GDE1: variants seen among roughly 807,000 people sequenced by gnomAD.
GDE1 encodes glycerophosphodiester phosphodiesterase 1.
Under a neutral mutation model 32.2 loss-of-function variants are expected in GDE1, and 24 were observed. That is an observed-to-expected ratio of 0.75 (90% CI 0.54 to 1.05). The LOEUF is 1.05. Among genes scored for constraint, GDE1 ranks in the 50% least tolerant of loss-of-function variants. GDE1 has a pLI of 0.00. For missense variants in GDE1, 380 were observed against 415.0 expected, an observed-to-expected ratio of 0.92 and a Z score of 0.73; for synonymous variants, 159 against 158.6, an observed-to-expected ratio of 1.00 and a Z score of -0.02.
chr16:19,508,230 C>T (rs552876620), intron 3 of GDE1, among the ~76,000 whole-genome samples: 2 of 152,066 alleles, frequency 1.3e-5, no homozygotes, highest in Non-Finnish European at 2.9e-5. Flanking sequence ...ACTGAGAGGA[C>T]GCATTACCCA....
chr16:19,505,414 A>G (rs189467906), intron 4 of GDE1, among the ~76,000 whole-genome samples: 30 of 152,346 alleles, frequency 2.0e-4, no homozygotes, highest in African/African-American at 6.3e-4. Flanking sequence ...CTATTGACTT[A>G]AATCCTGGCC....
chr16:19,507,748 TC>T lies in GDE1; in HGVS notation c.574del (p.Glu192AsnfsTer22). On this transcript the variant is annotated frameshift_variant, in exon 4 of 6. Transcript: ENST00000353258. LOFTEE classifies it high-confidence loss of function. The part of the protein sequence containing the change: ...ATEALKKMYM[E>X]FPQLYNNSVV... Reference sequence around the variant, plus strand: ...ACTATTATTATACAGTTGAGGAAATTCCATATACATTTTCTTTAGAGCCTCA... The same window carrying T: ...ACTATTATTATACAGTTGAGGAAATTCATATACATTTTCTTTAGAGCCTCA... The T allele has an allele frequency of 6.4e-7, 1 of 1,559,082 alleles. No individual in the cohort carries two copies. Among genetic ancestry groups the T allele is most frequent in the Non-Finnish European group, 8.8e-7 (1 of 1,131,076 alleles).
chr16:19,507,706 A>T lies in GDE1; in HGVS notation c.617T>A (p.Leu206Ter), dbSNP rs775244640. The T allele has an allele frequency of 6.4e-7, 1 of 1,570,000 alleles. No homozygotes were observed. The highest frequency in any genetic ancestry group is 1.7e-5 in the Admixed American group (1 of 59,944). ...TGTTACCTTGTAGATAACTTCTGGC[A>T]AGAAAGAACAGACCACACTATTATT... ...LYNNSVVCSF[L>*]PEVIYKMRQT... The change falls in exon 4 of 6, where the codon TTG becomes TAG. Residue 206 changes from leucine to a stop codon, truncating the protein, a stop_gained. Transcript: ENST00000353258. LOFTEE classifies it high-confidence loss of function.
Position 19,522,042 on chromosome 16 carries a change from A to C in GDE1, c.-78T>G. On this transcript the variant is annotated 5_prime_UTR_variant, in exon 1 of 6. Transcript: ENST00000353258. ...GGCAGTAGAACGAGAAGCGAGGGGG[A>C]GGGTCCAAGGCACCGGCAGCAGCAG... The C allele has an allele frequency of 7.1e-7, 1 of 1,411,780 alleles. No homozygotes were observed. The highest frequency in any genetic ancestry group is 9.4e-7 in the Non-Finnish European group (1 of 1,058,578). 87.5% of individuals were successfully genotyped at this position (1,411,780 alleles called of 1,614,324 possible).
At chr16:19,503,659 G>A in intron 5 of GDE1, 42 bp from the exon 6 acceptor site, 1 of 1,564,142 alleles carries the variant, frequency 6.4e-7, no homozygotes. Context: ...ATAATAAGCA[G>A]CTGTCTCAGG....
chr16:19,504,886 T>C lies in GDE1; in HGVS notation c.843A>G (p.Val281=). ...ISAFLMQKDF[V]SPAYLKKWSA... ...TAAAAAACCTTCCAACTTACGGGGA[T>C]ACAAAATCCTTTTGCATGAGGAAAG... Residue 281 remains valine, a synonymous_variant, in exon 5 of 6, where the codon GTA becomes GTG. Transcript: ENST00000353258. 6.2e-7 allele frequency: 1 copy of C among 1,604,376 alleles called. No homozygotes were observed. Among genetic ancestry groups the C allele is most frequent in the Non-Finnish European group, 8.5e-7 (1 of 1,172,118 alleles).
At chr16:19,511,929 T>TTTAAATATA (rs1179940970) in intron 2 of GDE1, among the ~76,000 whole-genome samples, 8 of 152,176 alleles carry the variant, frequency 5.3e-5, no homozygotes, top group African/African-American at 1.7e-4. Context: ...TACATAGTAT[T>TTTAAATATA]CCATTGAGTA....
At chr16:19,514,706 AATT>A (rs1969359154) in intron 2 of GDE1, among the ~76,000 whole-genome samples, 1 of 152,184 alleles carries the variant, frequency 6.6e-6, no homozygotes, top group African/African-American at 2.4e-5. Flanking sequence ...CTCATAATAA[AATT>A]ATTATTTAAC....
intron 4 of GDE1, among the ~76,000 whole-genome samples, chr16:19,505,791 T>C (rs983210219): frequency 3.0e-4 from 45 of 152,208 alleles, no homozygotes; most frequent in African/African-American, 1.1e-3. Flanking sequence ...ATCCTCACTG[T>C]AAAAATTTTC....
At chr16:19,505,670 T>A (rs536372434) in intron 4 of GDE1, among the ~76,000 whole-genome samples, 25 of 152,292 alleles carry the variant, frequency 1.6e-4, no homozygotes, top group Admixed American at 1.6e-3. Context: ...GGGAATGTCT[T>A]ATACGTTTTA....
intron 5 of GDE1, 95 bp downstream of exon 5, chr16:19,504,786 G>A: frequency 1.3e-6 from 1 of 789,854 alleles, no homozygotes; most frequent in Non-Finnish European, 2.1e-6. Context: ...TTGCAGGTCA[G>A]AACCAATTCA....
At chr16:19,510,989 A>C in intron 2 of GDE1, 45 bp from the exon 3 acceptor site, 1 of 920,820 alleles carries the variant, frequency 1.1e-6, no homozygotes, top group Non-Finnish European at 1.8e-6. Context: ...AGAGAAACAG[A>C]TAAACTGTAT....
intron 5 of GDE1, chr16:19,504,622 C>A: frequency 2.6e-6 from 1 of 379,924 alleles, no homozygotes; most frequent in Non-Finnish European, 4.8e-6. Flanking sequence ...AAATCCCTTG[C>A]TCAGCATAGT....
chr16:19,505,954 C>T (rs572166931), intron 4 of GDE1, among the ~76,000 whole-genome samples: 1 of 152,264 alleles, frequency 6.6e-6, no homozygotes, highest in South Asian at 2.1e-4. Flanking sequence ...AGATCTATTT[C>T]AGCTAATGCA....
chr16:19,512,186 A>C (rs77192439), intron 2 of GDE1, among the ~76,000 whole-genome samples: 5,395 of 152,272 alleles, frequency 0.035, 198 homozygotes, highest in East Asian at 0.17. Context: ...CATTCCCACC[A>C]ACAGAATATA....
At chr16:19,520,386 T>C (rs1597238871) in intron 1 of GDE1, among the ~76,000 whole-genome samples, 1 of 136,104 alleles carries the variant, frequency 7.3e-6, no homozygotes, top group African/African-American at 2.8e-5. Context: ...TGGGAGACAG[T>C]GAGACTTCGT....
chr16:19,505,024 T>A lies in GDE1; in HGVS notation c.705A>T (p.Gly235=), dbSNP rs1271821177. The A allele has an allele frequency of 6.2e-7, 1 of 1,613,154 alleles. No individual in the cohort carries two copies. The highest frequency in any genetic ancestry group is 1.1e-5 in the South Asian group (1 of 91,072). ...THRPWSLSHT[G]DGKPRYDTFW... ...AAGTATCATAGCGTGGTTTCCCATC[T>A]CCTGTATGGCTTAGGCTCCAAGGTC... Residue 235 remains glycine, a synonymous_variant, in exon 5 of 6, where the codon GGA becomes GGT. Transcript: ENST00000353258.
chr16:19,506,382 T>C (rs1370760448), intron 4 of GDE1, among the ~76,000 whole-genome samples: 1 of 151,882 alleles, frequency 6.6e-6, no homozygotes, highest in Non-Finnish European at 1.5e-5. Flanking sequence ...CGGCAGGGCA[T>C]AGTGGCTCAC....
chr16:19,519,363 A>C (rs1969420230), intron 1 of GDE1, among the ~76,000 whole-genome samples: 2 of 151,942 alleles, frequency 1.3e-5, no homozygotes, highest in African/African-American at 4.8e-5. Context: ...CCTAAGGCCT[A>C]GGATGCCTAA....
Sources: gnomAD v4.1 joint callset for allele counts (sites outside exome capture counted in the v4.1 genomes callset) on GRCh38, gnomAD v4.1.1 for gene constraint, MANE v1.5 for transcripts, NCBI Gene and HGNC (gene_info 2026-07-23, HGNC 2026-07-21) for gene names.